Variants in VPS13B observed in about 807,000 individuals in gnomAD.
The protein encoded by VPS13B is vacuolar protein sorting 13 homolog B.
A neutral mutation model predicts 426.4 loss-of-function variants in VPS13B; 285 were observed. The observed-to-expected ratio is 0.67, with a 90% CI of 0.61 to 0.74. The LOEUF (loss-of-function observed/expected upper bound fraction) is 0.74, where lower values mean the gene tolerates loss of function less well. VPS13B is among the 30% of genes least tolerant of loss of function. The pLI, the probability that VPS13B is intolerant of heterozygous loss-of-function variation, is 0.00. For synonymous variants in VPS13B, 1,676 were observed against 1,676.4 expected (o/e 1.00, Z 0.01); for missense variants, 4,537 against 4,782.6 (o/e 0.95, Z 1.51).
chr8:99,135,601 C>G lies in VPS13B; in HGVS notation c.1431C>G (p.Ala477=). 6.2e-7 allele frequency: 1 copy of G among 1,613,012 alleles called. No individual in the cohort carries two copies. The highest frequency in any genetic ancestry group is 1.1e-5 in the South Asian group (1 of 91,026). ...EENMNRSETE[A]CFFICGDNLS... Reference sequence around the variant, plus strand: ...AATTTTGCATTTGTTTTCAGGAAGCCTGTTTCTTCATTTGTGGTGACAATT... The same window carrying G: ...AATTTTGCATTTGTTTTCAGGAAGCGTGTTTCTTCATTTGTGGTGACAATT... The change falls in exon 11 of 62, where the codon GCC becomes GCG. Residue 477 remains alanine (A), a synonymous_variant. Transcript: ENST00000357162.
In VPS13B at chr8:99,384,256, C is replaced by T. The variant is rs1813993864; in HGVS notation, c.2873C>T (p.Pro958Leu). 1 of 1,613,792 alleles carries T rather than the reference C, an allele frequency of 6.2e-7. No homozygotes were observed. ...SIQGLAVNID[P>L]ILYTWLIYQP... ...CAAGGACTAGCAGTTAATATTGACCCAATCTTATATACGTGGCTCATCTAT... is the reference window on the plus strand; with the variant it reads ...CAAGGACTAGCAGTTAATATTGACCTAATCTTATATACGTGGCTCATCTAT... The change falls in exon 20 of 62, where the codon CCA (proline) becomes CTA (leucine). Residue 958 changes from proline to leucine, a missense_variant. Transcript: ENST00000357162.
chr8:99,054,870 A>C (rs918855487), intron 3 of VPS13B, among the ~76,000 whole-genome samples: 5 of 152,110 alleles, frequency 3.3e-5, no homozygotes, highest in African/African-American at 9.7e-5. Flanking sequence ...ACTCTTGTTG[A>C]AAATAAACCC....
rs577884406 is a variant in VPS13B at position 99,172,619 on chromosome 8, A to G, written c.2333+2456A>G. On this transcript the variant is annotated intron_variant, in intron 16 of 61. Coordinates refer to ENST00000357162, the MANE Select transcript of VPS13B (RefSeq NM_152564.5). ...ATAATCTTCTGTTAATCAGTTTTGA[A>G]GGCCCTGTTAATCAGTTTTGAAGGC... 2.0e-5 allele frequency among the ~76,000 whole-genome samples: 3 copies of G among 152,250 alleles called. No homozygotes were observed. In the South Asian group the frequency reaches 6.2e-4, roughly 32 times the overall value.
chr8:99,475,204 G>A (rs1430561820), intron 24 of VPS13B, among the ~76,000 whole-genome samples: 1 of 152,130 alleles, frequency 6.6e-6, no homozygotes, highest in South Asian at 2.1e-4. Context: ...GTAGAACAGC[G>A]AGAGAGAATA....
At chr8:99,682,946 A>G (rs1831215203) in intron 35 of VPS13B, among the ~76,000 whole-genome samples, 1 of 151,984 alleles carries the variant, frequency 6.6e-6, no homozygotes, top group African/African-American at 2.4e-5. Context: ...CCAAGCCACA[A>G]CTCTAGGACT....
At chr8:99,429,116 A>T (rs1331857838) in intron 21 of VPS13B, among the ~76,000 whole-genome samples, 2 of 151,836 alleles carry the variant, frequency 1.3e-5, no homozygotes, top group African/African-American at 4.8e-5. Flanking sequence ...AACATCACAC[A>T]CCGGGGCCTG....
chr8:99,265,087 C>T (rs1417779399), intron 17 of VPS13B, among the ~76,000 whole-genome samples: 1 of 152,008 alleles, frequency 6.6e-6, no homozygotes, highest in Non-Finnish European at 1.5e-5. Context: ...ATCTTCTGTA[C>T]TCTTTGAGGA....
intron 43 of VPS13B, among the ~76,000 whole-genome samples, chr8:99,790,741 G>A (rs1163870355): frequency 2.6e-5 from 4 of 152,166 alleles, no homozygotes; most frequent in South Asian, 2.1e-4. Flanking sequence ...TGTATTACAC[G>A]TTAATGCCTT....
intron 33 of VPS13B, among the ~76,000 whole-genome samples, chr8:99,634,466 G>T (rs1029240615): frequency 8.6e-5 from 13 of 151,982 alleles, no homozygotes; most frequent in Admixed American, 2.6e-4. Context: ...GTAACTTCAT[G>T]AAAGGGAAAA....
chr8:99,636,275 C>T (rs1339616140), intron 33 of VPS13B, among the ~76,000 whole-genome samples: 1 of 151,888 alleles, frequency 6.6e-6, no homozygotes. Context: ...AAATATTTTT[C>T]CAGCTCTCTC....
At chr8:99,204,008 C>T (rs1186251852) in intron 17 of VPS13B, among the ~76,000 whole-genome samples, 4 of 152,178 alleles carry the variant, frequency 2.6e-5, no homozygotes, top group Non-Finnish European at 4.4e-5. Flanking sequence ...GCAAAAACTA[C>T]TTTAAATTTC....
At chr8:99,078,883 C>T (rs888172090) in intron 3 of VPS13B, among the ~76,000 whole-genome samples, 19 of 151,952 alleles carry the variant, frequency 1.3e-4, no homozygotes, top group African/African-American at 4.4e-4. Context: ...TATATAGGCC[C>T]CTGGGAGATG....
At chr8:99,347,026 T>C (rs1181345154) in intron 19 of VPS13B, 2 of 155,394 alleles carry the variant, frequency 1.3e-5, no homozygotes, top group East Asian at 3.8e-4. Flanking sequence ...CACTGGCCAA[T>C]GCAGGGGCCA....
intron 19 of VPS13B, among the ~76,000 whole-genome samples, chr8:99,343,698 C>A (rs1402215208): frequency 6.6e-6 from 1 of 152,128 alleles, no homozygotes; most frequent in Non-Finnish European, 1.5e-5. Flanking sequence ...ACAATAGCAG[C>A]AACAACAGCA....
At chr8:99,581,295 A>G (rs970603065) in intron 33 of VPS13B, among the ~76,000 whole-genome samples, 1 of 152,210 alleles carries the variant, frequency 6.6e-6, no homozygotes, top group Admixed American at 6.5e-5. Flanking sequence ...TGAAAACCGT[A>G]AAGTAATCTG....
intron 40 of VPS13B, among the ~76,000 whole-genome samples, chr8:99,768,899 A>AT (rs1369448703): frequency 1.3e-5 from 2 of 152,206 alleles, no homozygotes; most frequent in African/African-American, 4.8e-5. Flanking sequence ...AACTAAATTG[A>AT]TTTTTTTAAA....
chr8:99,318,434 G>T (rs948698572), intron 19 of VPS13B, among the ~76,000 whole-genome samples: 8 of 151,748 alleles, frequency 5.3e-5, no homozygotes, highest in Admixed American at 4.6e-4. Context: ...TTAAGACAAA[G>T]AAAAGAATAA....
At chr8:99,096,749 C>CT (rs1723696178) in intron 4 of VPS13B, among the ~76,000 whole-genome samples, 1 of 78,844 alleles carries the variant, frequency 1.3e-5, no homozygotes, top group African/African-American at 5.5e-5. Flanking sequence ...GAGTGATACT[C>CT]TGTCTCAAAA....
At chr8:99,434,222 A>G (rs959366925) in intron 22 of VPS13B, among the ~76,000 whole-genome samples, 4 of 152,208 alleles carry the variant, frequency 2.6e-5, no homozygotes, top group African/African-American at 7.2e-5. Context: ...GAAAATATTT[A>G]TGAAGTCCCT....
Sources: allele counts gnomAD v4.1 joint callset (sites outside exome capture counted in the v4.1 genomes callset), GRCh38; gene constraint gnomAD v4.1.1; transcripts MANE v1.5; gene names NCBI Gene and HGNC (gene_info 2026-07-23, HGNC 2026-07-21).